Variants in TBCD observed in about 807,000 individuals in gnomAD.
TBCD encodes tubulin-specific chaperone D.
Under a neutral mutation model 169.3 loss-of-function variants are expected in TBCD, and 105 were observed. The ratio of observed to expected loss-of-function variants is 0.62; its 90% confidence interval spans 0.53 to 0.73. The LOEUF (loss-of-function observed/expected upper bound fraction) is 0.73. TBCD is among the 30% of genes least tolerant of loss of function. The pLI, the probability that TBCD is intolerant of heterozygous loss-of-function variation, is 0.00. For missense variants in TBCD, 1,444 were observed against 1,600.1 expected, an observed-to-expected ratio of 0.90 and a Z score of 1.66; for synonymous variants, 700 against 643.9, an observed-to-expected ratio of 1.09 and a Z score of -1.32.
intron 13 of TBCD, among the ~76,000 whole-genome samples, chr17:82,842,780 C>CTTTTTTTTTT: frequency 7.7e-6 from 1 of 129,900 alleles, no homozygotes; most frequent in Non-Finnish European, 1.6e-5. Flanking sequence ...TTCTTTCTTT[C>CTTTTTTTTTT]TTTTTTTTTT....
chr17:82,907,550 C>T (rs1179612551), intron 20 of TBCD, among the ~76,000 whole-genome samples: 2 of 152,220 alleles, frequency 1.3e-5, no homozygotes, highest in Non-Finnish European at 2.9e-5. Flanking sequence ...TAAAACAATA[C>T]AGTAGAATAC....
chr17:82,924,123 T>G (rs2061580026), intron 26 of TBCD, among the ~76,000 whole-genome samples: 1 of 152,152 alleles, frequency 6.6e-6, no homozygotes, highest in African/African-American at 2.4e-5. Context: ...CCGGCTAATT[T>G]TTGTATTTTT....
In TBCD at chr17:82,927,886, CCT is replaced by C; in HGVS notation, c.2610-15_2610-14del. 2 of 1,611,016 alleles carry C rather than the reference CCT, an allele frequency of 1.2e-6. No individual in the cohort carries two copies. Among genetic ancestry groups the C allele is most frequent in the Non-Finnish European group, 1.7e-6 (2 of 1,177,596 alleles). On this transcript the variant is annotated splice_polypyrimidine_tract_variant and intron_variant, in intron 29 of 38. Transcript: ENST00000355528. Reference sequence around the variant, plus strand: ...CCCCCTCTCAAGCTGGGTGTCTCTGCCTCTCCTTGTCCCATCAGGGTCCGCAA... The same window carrying C: ...CCCCCTCTCAAGCTGGGTGTCTCTGCCTCCTTGTCCCATCAGGGTCCGCAA...
In TBCD at chr17:82,911,767, A is replaced by T. The variant is rs773620251; in HGVS notation, c.2016A>T (p.Gly672=). The T allele has an allele frequency of 8.7e-6, 14 of 1,613,872 alleles. No individual in the cohort carries two copies. The highest frequency in any genetic ancestry group is 1.2e-5 in the Non-Finnish European group (14 of 1,179,850). ...LYDRQLYRGL[G]GQLMRQAVCV... The stretch of plus-strand genomic sequence containing the variant: ...TTTCATTCCTTTTCAGGGGTCTGGG[A>T]GGACAGCTCATGAGACAAGCAGGTA... Residue 672 remains glycine (G), a synonymous_variant, in exon 23 of 39, where the codon GGA becomes GGT. Coordinates refer to ENST00000355528, the MANE Select transcript of TBCD (RefSeq NM_005993.5).
chr17:82,862,695 C>T (rs559510717), intron 13 of TBCD, among the ~76,000 whole-genome samples: 29 of 152,300 alleles, frequency 1.9e-4, no homozygotes, highest in Admixed American at 4.6e-4. Context: ...GGTGATGCCC[C>T]GCCATGTCTT....
intron 7 of TBCD, among the ~76,000 whole-genome samples, chr17:82,794,460 C>T (rs747657077): frequency 2.6e-5 from 4 of 152,160 alleles, no homozygotes; most frequent in Non-Finnish European, 5.9e-5. Flanking sequence ...GGTGTCATCA[C>T]CTCTGTCTAG....
At chr17:82,909,781 T>G (rs1036811186) in intron 22 of TBCD, among the ~76,000 whole-genome samples, 1 of 152,246 alleles carries the variant, frequency 6.6e-6, no homozygotes, top group African/African-American at 2.4e-5. Context: ...TCGCGTTTCC[T>G]CGTTCCCAGG....
At chr17:82,881,887 T>TTC (rs1014785255) in intron 14 of TBCD, among the ~76,000 whole-genome samples, 5 of 151,584 alleles carry the variant, frequency 3.3e-5, no homozygotes, top group Admixed American at 6.6e-5. Flanking sequence ...TAGGGGTCCT[T>TTC]TCTCTCTCTC....
intron 14 of TBCD, chr17:82,876,940 T>G (rs2058019996): frequency 1.0e-6 from 1 of 985,374 alleles, no homozygotes; most frequent in Non-Finnish European, 1.2e-6. Context: ...GCGGAGCTGT[T>G]GAAGTGGACT....
chr17:82,794,277 C>T (rs980510536), intron 7 of TBCD, among the ~76,000 whole-genome samples: 7 of 149,606 alleles, frequency 4.7e-5, no homozygotes, highest in Non-Finnish European at 8.9e-5. Flanking sequence ...CTGGCTCGCA[C>T]GTTGCAGAGA....
chr17:82,851,109 C>T (rs1259516996), intron 13 of TBCD, among the ~76,000 whole-genome samples: 1 of 152,140 alleles, frequency 6.6e-6, no homozygotes, highest in Admixed American at 6.5e-5. Context: ...AGTCTCGAGA[C>T]ATTTCAGAGA....
intron 13 of TBCD, among the ~76,000 whole-genome samples, chr17:82,867,069 C>G (rs1285281123): frequency 6.6e-6 from 1 of 152,320 alleles, no homozygotes; most frequent in East Asian, 1.9e-4. Context: ...TACGATGGTG[C>G]TAAAGAGAAC....
chr17:82,845,251 C>T (rs1278621115), intron 13 of TBCD, among the ~76,000 whole-genome samples: 1 of 152,190 alleles, frequency 6.6e-6, no homozygotes, highest in Non-Finnish European at 1.5e-5. Flanking sequence ...TCCTGTCCAG[C>T]TCAGCCCCTT....
intron 37 of TBCD, among the ~76,000 whole-genome samples, chr17:82,940,219 G>GCACA (rs1422867605): frequency 0.014 from 1,365 of 94,592 alleles, 9 homozygotes; most frequent in African/African-American, 0.015. Context: ...ACTTGCACGC[G>GCACA]CGCACACACA....
intron 9 of TBCD, among the ~76,000 whole-genome samples, chr17:82,803,295 G>A (rs2050710310): frequency 6.6e-6 from 1 of 152,188 alleles, no homozygotes; most frequent in Non-Finnish European, 1.5e-5. Context: ...CAGGGACTTA[G>A]GTGAAAGTCA....
chr17:82,827,010 A>G (rs142465704), intron 13 of TBCD, among the ~76,000 whole-genome samples: 120 of 152,234 alleles, frequency 7.9e-4, no homozygotes, highest in Middle Eastern at 6.8e-3. Context: ...ACCTCAAGCA[A>G]TCCATCCGCT....
chr17:82,843,866 A>G lies in TBCD; in HGVS notation c.1319-26358A>G, dbSNP rs577215322. Among the ~76,000 whole-genome samples the G allele has an allele frequency of 2.0e-5, 3 of 152,256 alleles. No individual in the cohort carries two copies. The East Asian group carries it at 5.8e-4, about 29-fold the overall frequency. ...AGCAGTGCCACCCTTCCCCACCCAG[A>G]CCGTGGCAACTGCAGGCTGATACTT... On this transcript the variant is annotated intron_variant, in intron 13 of 38. Coordinates refer to ENST00000355528, the MANE Select transcript of TBCD (RefSeq NM_005993.5).
chr17:82,899,184 C>T (rs1038868632), intron 17 of TBCD, among the ~76,000 whole-genome samples: 2 of 128,844 alleles, frequency 1.6e-5, no homozygotes, highest in Non-Finnish European at 3.4e-5. Context: ...GTCCTCGGCT[C>T]GTGTCCTCAG....
intron 22 of TBCD, among the ~76,000 whole-genome samples, chr17:82,910,636 G>A (rs1036796983): frequency 1.3e-5 from 2 of 151,670 alleles, no homozygotes; most frequent in East Asian, 1.9e-4. Context: ...GCAGCATGTC[G>A]GCTCACTGCA....
Sources: gnomAD v4.1 joint callset for allele counts (sites outside exome capture counted in the v4.1 genomes callset) on GRCh38, gnomAD v4.1.1 for gene constraint, MANE v1.5 for transcripts, NCBI Gene and HGNC (gene_info 2026-07-23, HGNC 2026-07-21) for gene names.